DGKK: variants seen among roughly 807,000 people sequenced by gnomAD.
The protein encoded by DGKK is diacylglycerol kinase kappa.
DGKK carries 35 observed loss-of-function variants against 92.2 expected under a neutral mutation model. That is an observed-to-expected ratio of 0.38 (90% CI 0.29 to 0.50). The LOEUF (loss-of-function observed/expected upper bound fraction) is 0.50, where lower values mean the gene tolerates loss of function less well. DGKK is among the 20% of genes least tolerant of loss of function. The probability of loss-of-function intolerance (pLI) is 0.92; values close to 1 mark genes in which losing one functional copy is unlikely to be tolerated. For synonymous variants in DGKK, 368 were observed against 360.6 expected (o/e 1.02, Z -0.23); for missense variants, 910 against 992.2 (o/e 0.92, Z 1.11).
At chrX:50,469,848 A>G (rs1446891754) in intron 1 of DGKK, among the ~76,000 whole-genome samples, 186 bp downstream of exon 1, 1 of 110,194 alleles carries the variant, frequency 9.1e-6, no homozygotes, top group Non-Finnish European at 1.9e-5. Flanking sequence ...CGATTCCCAC[A>G]TGTTGCTTCC....
At chrX:50,427,751 T>C (rs1408312240) in intron 1 of DGKK, among the ~76,000 whole-genome samples, 1 of 109,719 alleles carries the variant, frequency 9.1e-6, no homozygotes, top group Admixed American at 9.8e-5. Flanking sequence ...AATGGTCTAT[T>C]AATTTTTTTT....
intron 1 of DGKK, among the ~76,000 whole-genome samples, chrX:50,448,339 A>AT (rs1457513743): frequency 1.8e-5 from 2 of 110,234 alleles, no homozygotes; most frequent in Non-Finnish European, 3.8e-5. Flanking sequence ...TTATTCATTC[A>AT]TTTTTTGTGA....
chrX:50,401,886 T>C (rs1037944728), intron 7 of DGKK, among the ~76,000 whole-genome samples: 10 of 111,804 alleles, frequency 8.9e-5, no homozygotes, highest in African/African-American at 2.3e-4. Context: ...AACTTCAGCA[T>C]TACTGATATT....
intron 1 of DGKK, among the ~76,000 whole-genome samples, chrX:50,467,094 A>G (rs1462675870): frequency 8.9e-6 from 1 of 112,249 alleles, no homozygotes; most frequent in Non-Finnish European, 1.9e-5. Context: ...TACTTCATAT[A>G]AGCCCCATCC....
In DGKK at chrX:50,386,516, G is replaced by A. The variant is rs1557224974; in HGVS notation, c.2189C>T (p.Ala730Val). Residue 730 changes from alanine (A) to valine (V), a missense_variant, in exon 15 of 28, where the codon GCT becomes GTT. By Grantham distance (64) the Ala-to-Val change is moderately conservative. Transcript: ENST00000611977. ...TGCATATTCTGTAGCACTTTTTTCA[G>A]CAGAAGTAGCTGCTGCCTCCTCAGC... ...VLAEEAAATS[A>V]EKSATEYADS... 5.0e-6 allele frequency: 6 copies of A among 1,210,870 alleles called. No individual in the cohort carries two copies. The highest frequency in any genetic ancestry group is 5.6e-6 in the Non-Finnish European group (5 of 895,167).
chrX:50,387,616 T>C lies in DGKK; in HGVS notation c.2056A>G (p.Ile686Val). The change falls in exon 14 of 28, where the codon ATT (isoleucine) becomes GTT (valine). Residue 686 changes from isoleucine (I) to valine (V), a missense_variant. Ile to Val is a conservative substitution (Grantham distance 29). Coordinates refer to ENST00000611977, the MANE Select transcript of DGKK (RefSeq NM_001013742.4). Reference protein sequence around the residue: ...CSAVEDFVVDIVKAWGQIKQN... With the variant: ...CSAVEDFVVDVVKAWGQIKQN... Reference sequence around the variant, plus strand: ...TTTATCTGACCCCAGGCCTTTACAATATCAACCACAAAATCTTCCACAGCT... The same window carrying C: ...TTTATCTGACCCCAGGCCTTTACAACATCAACCACAAAATCTTCCACAGCT... 1.7e-6 allele frequency: 2 copies of C among 1,207,746 alleles called. No individual in the cohort carries two copies. The highest frequency in any genetic ancestry group is 2.2e-6 in the Non-Finnish European group (2 of 892,337).
chrX:50,463,711 G>T (rs960473988), intron 1 of DGKK, among the ~76,000 whole-genome samples: 1 of 108,878 alleles, frequency 9.2e-6, no homozygotes, highest in Non-Finnish European at 1.9e-5. Context: ...CAAGGACTTT[G>T]GTGAGTTTGG....
chrX:50,384,650 A>T, intron 16 of DGKK, 70 bp downstream of exon 16: 1 of 1,003,370 alleles, frequency 1.0e-6, no homozygotes, highest in Non-Finnish European at 1.4e-6. Flanking sequence ...AAAAATACAT[A>T]TTTATTCTTT....
At position 50,470,374 on chromosome X, in the gene DGKK, G is replaced by A; in HGVS notation, c.305C>T (p.Ala102Val). The stretch of plus-strand genomic sequence containing the variant: ...GGCCGGCTCTGTGGCAGGTTCTGGG[G>A]CCGGCTCTGTGGCAGGTTCTGGGGC... ...EPAPEPATEPAPEPATEPAPE... is the reference protein window; with the variant it reads ...EPAPEPATEPVPEPATEPAPE... The change falls in exon 1 of 28, where the codon GCC becomes GTC. Residue 102 changes from alanine (A) to valine (V), a missense_variant. Physicochemically the swap from Ala to Val is moderately conservative, Grantham distance 64. Transcript: ENST00000611977. 8.3e-7 allele frequency: 1 copy of A among 1,211,450 alleles called. No individual in the cohort carries two copies.
Position 50,387,655 on chromosome X carries a change from T to G in DGKK, c.2019-2A>C. ...TCTTCCACAGCTGAACACAAGAATCTGGAAAGATAAAATAGATGGCACAAT... is the reference window on the plus strand; with the variant it reads ...TCTTCCACAGCTGAACACAAGAATCGGGAAAGATAAAATAGATGGCACAAT... On this transcript the variant is annotated splice_acceptor_variant, in intron 13 of 27. Coordinates refer to ENST00000611977, the MANE Select transcript of DGKK (RefSeq NM_001013742.4). LOFTEE classifies it high-confidence loss of function. The G allele has an allele frequency of 8.5e-7, 1 of 1,178,654 alleles. No homozygotes were observed. The highest frequency in any genetic ancestry group is 1.2e-6 in the Non-Finnish European group (1 of 867,257).
At position 50,422,518 on chromosome X, in the gene DGKK, G is replaced by A. The variant is rs1557229248; in HGVS notation, c.765C>T (p.His255=). 1 of 1,205,103 alleles carries A rather than the reference G, an allele frequency of 8.3e-7. No individual in the cohort carries two copies. The highest frequency in any genetic ancestry group is 1.8e-5 in the South Asian group (1 of 55,831). Residue 255 remains histidine, a synonymous_variant, in exon 3 of 28, where the codon CAC becomes CAT. Coordinates refer to ENST00000611977, the MANE Select transcript of DGKK (RefSeq NM_001013742.4). ...CTTGAGACAGATCAATCGTTTCAAAGTGTGCAAACTGGAAAGATATAAGAC... is the reference window on the plus strand; with the variant it reads ...CTTGAGACAGATCAATCGTTTCAAAATGTGCAAACTGGAAAGATATAAGAC... ...LYFAHHPAFA[H]FETIDLSQAT...
At chrX:50,382,987 A>AC (rs1924449165) in intron 17 of DGKK, among the ~76,000 whole-genome samples, 1 of 112,262 alleles carries the variant, frequency 8.9e-6, no homozygotes, top group African/African-American at 3.2e-5. Flanking sequence ...CAAACGTGCC[A>AC]TGACAGTTAA....
At chrX:50,429,606 G>A (rs1925833258) in intron 1 of DGKK, among the ~76,000 whole-genome samples, 1 of 111,505 alleles carries the variant, frequency 9.0e-6, no homozygotes, top group African/African-American at 3.3e-5. Flanking sequence ...GGAGACTGGC[G>A]TGAACCCGGG....
intron 18 of DGKK, among the ~76,000 whole-genome samples, chrX:50,382,201 C>T (rs781828926): frequency 5.3e-5 from 6 of 112,188 alleles, no homozygotes; most frequent in Non-Finnish European, 1.1e-4. Flanking sequence ...CAAAGGTGGG[C>T]GATTTGCTAA....
chrX:50,427,080 C>A (rs1013665618), intron 1 of DGKK, among the ~76,000 whole-genome samples: 1 of 111,914 alleles, frequency 8.9e-6, no homozygotes, highest in African/African-American at 3.2e-5. Context: ...TCATAATTGC[C>A]AAAACTTGGA....
chrX:50,447,341 TATTATATATATATATA>T (rs1320718154), intron 1 of DGKK, among the ~76,000 whole-genome samples: 1,043 of 16,749 alleles, frequency 0.062, 66 homozygotes, highest in Admixed American at 0.091. Context: ...TATATATATA[TATTATATATATATATA>T]ATATATATAT....
chrX:50,408,479 C>T (rs1291652951), intron 4 of DGKK, among the ~76,000 whole-genome samples: 2 of 111,410 alleles, frequency 1.8e-5, no homozygotes, highest in Non-Finnish European at 3.8e-5. Flanking sequence ...CCCGGGTTCA[C>T]GCCATTCTCC....
intron 13 of DGKK, 66 bp from the exon 14 acceptor site, chrX:50,387,719 T>A: frequency 1.3e-6 from 1 of 752,393 alleles, no homozygotes; most frequent in Non-Finnish European, 2.0e-6. Context: ...TTCTCTCTTA[T>A]GTCATCAGTC....
chrX:50,375,958 C>T (rs4074321), intron 24 of DGKK, 66 bp downstream of exon 24: 269,810 of 1,141,021 alleles, frequency 0.24, 24,315 homozygotes, highest in Admixed American at 0.39. Flanking sequence ...GGCTCCACTT[C>T]TTTCCCTTTC....
Sources: allele counts gnomAD v4.1 joint callset (sites outside exome capture counted in the v4.1 genomes callset), GRCh38; gene constraint gnomAD v4.1.1; transcripts MANE v1.5; gene names NCBI Gene and HGNC (gene_info 2026-07-23, HGNC 2026-07-21).